Variants in ATP6V0A2 observed in about 807,000 individuals in gnomAD.
ATP6V0A2 encodes the protein V-type proton ATPase 116 kDa subunit a 2.
Under a neutral mutation model 104.4 loss-of-function variants are expected in ATP6V0A2, and 58 were observed. That is an observed-to-expected ratio of 0.56 (90% CI 0.45 to 0.69). The LOEUF (loss-of-function observed/expected upper bound fraction) is 0.69, where lower values mean the gene tolerates loss of function less well. Among genes scored for constraint, ATP6V0A2 ranks in the 30% least tolerant of loss-of-function variants. The pLI, the probability that ATP6V0A2 is intolerant of heterozygous loss-of-function variation, is 0.00. For synonymous variants in ATP6V0A2, 376 were observed against 397.9 expected, an observed-to-expected ratio of 0.95 and a Z score of 0.65; for missense variants, 938 against 1,062.9, an observed-to-expected ratio of 0.88 and a Z score of 1.63.
chr12:123,751,447 G>T (rs1056025411), intron 16 of ATP6V0A2, among the ~76,000 whole-genome samples: 2 of 152,120 alleles, frequency 1.3e-5, no homozygotes, highest in Non-Finnish European at 2.9e-5. Flanking sequence ...TTGAGCCCAG[G>T]AGTTTGAGAC....
Position 123,744,194 on chromosome 12 carries a change from T to C in ATP6V0A2, c.1190-7T>C. ...GAATCAGAAATCTCTTTCCCTTTTT[T>C]CTGCAGCTCTCTTTACCATCATCAC... On this transcript the variant is annotated splice_polypyrimidine_tract_variant and splice_region_variant and intron_variant, in intron 10 of 19. Transcript: ENST00000330342. This position sits in a 1 kb window ranked among gnomAD's most constrained non-coding sequence, Gnocchi z 5.4. 1 of 1,614,228 alleles carries C rather than the reference T, an allele frequency of 6.2e-7. No individual in the cohort carries two copies. The highest frequency in any genetic ancestry group is 8.5e-7 in the Non-Finnish European group (1 of 1,180,046).
At chr12:123,754,784 TA>T (rs879911156) in intron 18 of ATP6V0A2, 2,821 of 469,462 alleles carry the variant, frequency 6.0e-3, no homozygotes, top group Middle Eastern at 9.9e-3. Flanking sequence ...CTGCCCAATT[TA>T]AAAAAAAAAT....
chr12:123,752,165 A>C, intron 16 of ATP6V0A2, 118 bp from the exon 17 acceptor site: 2 of 1,406,786 alleles, frequency 1.4e-6, no homozygotes, highest in Non-Finnish European at 2.0e-6. Context: ...TAGCCTAAAG[A>C]ACTTTTTTAT....
At chr12:123,733,007 G>C (rs1295710914) in intron 6 of ATP6V0A2, 1 of 152,090 alleles carries the variant, frequency 6.6e-6, no homozygotes, top group African/African-American at 2.4e-5. Flanking sequence ...ATTTACAGTA[G>C]TTATGCTTCA....
chr12:123,733,142 C>T (rs7398373), intron 6 of ATP6V0A2: 87,267 of 151,294 alleles, frequency 0.58, 25,938 homozygotes, highest in East Asian at 0.94. Context: ...GAGAAACCCC[C>T]GTCTCTACTA....
chr12:123,752,066 C>A (rs1956720703), intron 16 of ATP6V0A2, among the ~76,000 whole-genome samples: 2 of 152,104 alleles, frequency 1.3e-5, no homozygotes, highest in South Asian at 4.1e-4. Flanking sequence ...TGCCATGTTG[C>A]ACAGGCTGGT....
At chr12:123,745,290 C>T (rs893069454) in intron 13 of ATP6V0A2, among the ~76,000 whole-genome samples, 4 of 152,154 alleles carry the variant, frequency 2.6e-5, no homozygotes, top group African/African-American at 7.2e-5. Context: ...TACATTTCTT[C>T]CTCGTATATG....
chr12:123,741,885 C>T (rs1044231758), intron 9 of ATP6V0A2, among the ~76,000 whole-genome samples: 1 of 152,182 alleles, frequency 6.6e-6, no homozygotes, highest in Non-Finnish European at 1.5e-5. Flanking sequence ...TTCAGGATAG[C>T]GATCCTAACC....
chr12:123,739,879 T>C (rs1356266037), intron 9 of ATP6V0A2, among the ~76,000 whole-genome samples: 3 of 152,230 alleles, frequency 2.0e-5, no homozygotes, highest in African/African-American at 7.2e-5. Context: ...TTTCTTTTCC[T>C]TGTAATTCAT....
intron 9 of ATP6V0A2, among the ~76,000 whole-genome samples, chr12:123,738,412 C>T (rs1185747792): frequency 6.6e-6 from 1 of 151,612 alleles, no homozygotes; most frequent in African/African-American, 2.4e-5. Flanking sequence ...AAAAAAAGAG[C>T]GTTTTCAATT....
intron 14 of ATP6V0A2, among the ~76,000 whole-genome samples, chr12:123,748,044 G>A (rs988777020): frequency 3.3e-5 from 5 of 152,104 alleles, no homozygotes; most frequent in African/African-American, 9.7e-5. Flanking sequence ...CATTCATGTC[G>A]ATTTCCAGAA....
In ATP6V0A2 at chr12:123,756,322, T is replaced by C. The variant is rs865796400; in HGVS notation, c.2294-493T>C. ...AAGAGGGTGTCTTTTTTTTTTTTTT[T>C]TTTTTAGTTAAAAAAAAATGCTTAT... On this transcript the variant is annotated intron_variant, in intron 18 of 19. Coordinates refer to ENST00000330342, the MANE Select transcript of ATP6V0A2 (RefSeq NM_012463.4). 7.3e-3 allele frequency: 1,109 copies of C among 151,992 alleles called. 11 individuals carry two copies. Among genetic ancestry groups the C allele is most frequent in the Middle Eastern group, 0.024 (7 of 292 alleles). 9.4% of individuals were successfully genotyped at this position (151,992 alleles called of 1,614,324 possible).
chr12:123,723,509 T>C (rs1566275752), intron 3 of ATP6V0A2: 1 of 149,808 alleles, frequency 6.7e-6, no homozygotes, highest in East Asian at 2.0e-4. Context: ...CAGGCTAGAG[T>C]GCATGTAGTG....
chr12:123,752,916 C>T (rs1214825074), intron 17 of ATP6V0A2, among the ~76,000 whole-genome samples: 1 of 152,178 alleles, frequency 6.6e-6, no homozygotes, highest in Non-Finnish European at 1.5e-5. Context: ...ATGCTAGAAC[C>T]ATGGTCACAA....
intron 7 of ATP6V0A2, among the ~76,000 whole-genome samples, chr12:123,735,062 T>A (rs7300818): frequency 4.0e-5 from 6 of 151,668 alleles, no homozygotes; most frequent in Non-Finnish European, 7.4e-5. Context: ...GCAGTCTGGG[T>A]GCCGAGTGGC....
At chr12:123,742,778 G>A (rs1956621838) in intron 9 of ATP6V0A2, among the ~76,000 whole-genome samples, 1 of 151,436 alleles carries the variant, frequency 6.6e-6, no homozygotes, top group African/African-American at 2.4e-5. Flanking sequence ...AGAGGTTGCA[G>A]TGAGCCGAGA....
rs773883509 is a variant in ATP6V0A2, at chr12:123,743,862, C to G, written c.1116C>G (p.Thr372=). 2.5e-6 allele frequency: 4 copies of G among 1,614,020 alleles called. No homozygotes were observed. The highest frequency in any genetic ancestry group is 3.3e-4 in the Middle Eastern group (2 of 6,082). Reference sequence around the variant, plus strand: ...AAACACCCCCCACTCGGATCCGCACCAACAAATTCACCGAGGGATTTCAGA... The same window carrying G: ...AAACACCCCCCACTCGGATCCGCACGAACAAATTCACCGAGGGATTTCAGA... The part of the protein sequence containing the change: ...TKETPPTRIR[T]NKFTEGFQNI... The change falls in exon 10 of 20, where the codon ACC becomes ACG. Residue 372 remains threonine (T), a synonymous_variant. Coordinates refer to ENST00000330342, the MANE Select transcript of ATP6V0A2 (RefSeq NM_012463.4).
chr12:123,750,943 A>T, intron 15 of ATP6V0A2, 167 bp from the exon 16 acceptor site: 4 of 799,480 alleles, frequency 5.0e-6, no homozygotes, highest in Non-Finnish European at 8.4e-6. Flanking sequence ...GAATTCAGCT[A>T]TGAGTTTAGG....
chr12:123,720,713 G>T (rs1386242274), intron 2 of ATP6V0A2, among the ~76,000 whole-genome samples: 2 of 151,966 alleles, frequency 1.3e-5, no homozygotes, highest in East Asian at 3.9e-4. Flanking sequence ...ACTTAAAACA[G>T]TGAAAAAGGA....
Sources: allele counts gnomAD v4.1 joint callset (sites outside exome capture counted in the v4.1 genomes callset), GRCh38; gene constraint gnomAD v4.1.1; non-coding constraint Gnocchi (gnomAD v3.1); transcripts MANE v1.5; gene names NCBI Gene and HGNC (gene_info 2026-07-23, HGNC 2026-07-21).